FARS2: variants seen among roughly 807,000 people sequenced by gnomAD.
The protein encoded by FARS2 is phenylalanine--tRNA ligase, mitochondrial.
In FARS2, 40 loss-of-function variants were observed where a neutral mutation model predicts 46.4. The ratio of observed to expected loss-of-function variants is 0.86; its 90% CI spans 0.67 to 1.12. The LOEUF is 1.12. Among genes scored for constraint, FARS2 ranks in the 50% most tolerant of loss-of-function variants. FARS2 has a pLI of 0.00. For synonymous variants in FARS2, 234 were observed against 214.9 expected, an observed-to-expected ratio of 1.09 and a Z score of -0.78; for missense variants, 513 against 567.9, an observed-to-expected ratio of 0.90 and a Z score of 0.98.
chr6:5,446,862 A>G (rs1018782010), intron 4 of FARS2, among the ~76,000 whole-genome samples: 2 of 152,154 alleles, frequency 1.3e-5, no homozygotes, highest in African/African-American at 4.8e-5. Flanking sequence ...TGTCATGACC[A>G]GCTGTTGGCT....
chr6:5,293,202 C>T (rs1245215920), intron 1 of FARS2, among the ~76,000 whole-genome samples: 1 of 152,132 alleles, frequency 6.6e-6, no homozygotes, highest in Non-Finnish European at 1.5e-5. Flanking sequence ...TGGCTCAGTG[C>T]CTTCTTGGGA....
chr6:5,617,887 A>AGCTATTACAG (rs1775557484), intron 6 of FARS2, among the ~76,000 whole-genome samples: 1 of 152,202 alleles, frequency 6.6e-6, no homozygotes, highest in Non-Finnish European at 1.5e-5. Context: ...AGCAAAACCT[A>AGCTATTACAG]GCTATTACAG....
chr6:5,507,816 A>G (rs1768188622), intron 4 of FARS2, among the ~76,000 whole-genome samples: 2 of 152,224 alleles, frequency 1.3e-5, no homozygotes, highest in South Asian at 4.1e-4. Flanking sequence ...AGCAGAGAGC[A>G]GGGGAGAAGA....
At chr6:5,569,466 CCA>C (rs67295831) in intron 5 of FARS2, among the ~76,000 whole-genome samples, 3 of 152,046 alleles carry the variant, frequency 2.0e-5, no homozygotes, top group Admixed American at 6.5e-5. Flanking sequence ...CTCAACTGAT[CCA>C]CCCACCTCGG....
chr6:5,325,982 C>G (rs2127571963), intron 1 of FARS2, among the ~76,000 whole-genome samples: 1 of 152,274 alleles, frequency 6.6e-6, no homozygotes, highest in African/African-American at 2.4e-5. Context: ...CAGGAAGGAA[C>G]TGGGAAAAGT....
At chr6:5,543,801 C>T (rs115319541) in intron 4 of FARS2, among the ~76,000 whole-genome samples, 2,318 of 152,138 alleles carry the variant, frequency 0.015, 50 homozygotes, top group African/African-American at 0.052. Context: ...CGTCCCATTG[C>T]TACTGAAGAA....
At chr6:5,459,812 A>C (rs1765135977) in intron 4 of FARS2, among the ~76,000 whole-genome samples, 1 of 152,034 alleles carries the variant, frequency 6.6e-6, no homozygotes, top group Admixed American at 6.6e-5. Flanking sequence ...CTTCCTCCTT[A>C]GAGGCTGCCA....
intron 4 of FARS2, among the ~76,000 whole-genome samples, chr6:5,465,779 T>A (rs1249439807): frequency 1.3e-5 from 2 of 152,226 alleles, no homozygotes; most frequent in African/African-American, 4.8e-5. Flanking sequence ...TTGGAAGTTT[T>A]TTTTTTAATG....
chr6:5,741,574 G>A (rs1761345618), intron 6 of FARS2, among the ~76,000 whole-genome samples: 1 of 152,216 alleles, frequency 6.6e-6, no homozygotes, highest in Admixed American at 6.5e-5. Flanking sequence ...TATAACCCCT[G>A]TGGGTATGCA....
At position 5,702,335 on chromosome 6, in the gene FARS2, C is replaced by T. The variant is rs9504493; in HGVS notation, c.1218-68956C>T. 3.2e-3 allele frequency among the ~76,000 whole-genome samples: 491 copies of T among 152,314 alleles called. 3 individuals are homozygous for T. The highest frequency in any genetic ancestry group is 0.011 in the African/African-American group (464 of 41,568). On this transcript the variant is annotated intron_variant, in intron 6 of 6. Transcript: ENST00000274680. Reference sequence around the variant, plus strand: ...GTGTTCCTTTAGCAAACTATATATGCTCAACCAGATTTCTAGTAGCATTTT... The same window carrying T: ...GTGTTCCTTTAGCAAACTATATATGTTCAACCAGATTTCTAGTAGCATTTT...
intron 5 of FARS2, among the ~76,000 whole-genome samples, chr6:5,592,290 G>C (rs1383368006): frequency 6.6e-6 from 1 of 151,998 alleles, no homozygotes; most frequent in East Asian, 1.9e-4. Context: ...GGAGGCTGAG[G>C]TCAGGGAATC....
At chr6:5,530,534 A>G (rs1314303941) in intron 4 of FARS2, among the ~76,000 whole-genome samples, 1 of 151,978 alleles carries the variant, frequency 6.6e-6, no homozygotes, top group Non-Finnish European at 1.5e-5. Context: ...TAACTGTACT[A>G]TGGATATATA....
intron 1 of FARS2, among the ~76,000 whole-genome samples, chr6:5,297,057 C>G (rs1767945027): frequency 6.6e-6 from 1 of 152,222 alleles, no homozygotes. Flanking sequence ...ACAGGGGTTC[C>G]AATTTCTTCA....
In FARS2 at chr6:5,633,424, C is replaced by T. The variant is rs1026803274; in HGVS notation, c.1217+20104C>T. Among the ~76,000 whole-genome samples, 8 of 151,668 alleles carry T rather than the reference C, an allele frequency of 5.3e-5. No individual in the cohort carries two copies. In the South Asian group the frequency reaches 8.3e-4, roughly 16 times the overall value. On this transcript the variant is annotated intron_variant, in intron 6 of 6. Transcript: ENST00000274680. ...CCAAGTAGCTGGGATTACAAACATG[C>T]GCCACCACACCCAGCTAATTTTTGT... is the stretch of plus-strand genomic sequence containing the variant.
intron 4 of FARS2, among the ~76,000 whole-genome samples, chr6:5,509,817 C>T (rs1400420419): frequency 1.3e-5 from 2 of 152,188 alleles, no homozygotes; most frequent in Non-Finnish European, 2.9e-5. Context: ...GCATTATCCA[C>T]AACACAACAT....
At chr6:5,275,705 C>T (rs1451254700) in intron 1 of FARS2, among the ~76,000 whole-genome samples, 2 of 152,090 alleles carry the variant, frequency 1.3e-5, no homozygotes, top group South Asian at 2.1e-4. Flanking sequence ...TTATATTGCT[C>T]CCTACTGGCC....
At chr6:5,397,815 A>G (rs1049395630) in intron 2 of FARS2, among the ~76,000 whole-genome samples, 11 of 152,074 alleles carry the variant, frequency 7.2e-5, no homozygotes, top group African/African-American at 2.4e-4. Context: ...TTTGTTTATT[A>G]TGACTTTGAT....
intron 1 of FARS2, among the ~76,000 whole-genome samples, chr6:5,277,691 T>C (rs61407028): frequency 0.024 from 3,603 of 152,348 alleles, 147 homozygotes; most frequent in African/African-American, 0.08. Context: ...TTACAGTGAA[T>C]ACATTTAAGA....
chr6:5,654,109 A>G (rs1439182786), intron 6 of FARS2, among the ~76,000 whole-genome samples: 1 of 152,088 alleles, frequency 6.6e-6, no homozygotes, highest in Non-Finnish European at 1.5e-5. Context: ...CCCTTTGACC[A>G]TGGAATCCCC....
Sources: gnomAD v4.1 joint callset for allele counts (sites outside exome capture counted in the v4.1 genomes callset) on GRCh38, gnomAD v4.1.1 for gene constraint, MANE v1.5 for transcripts, NCBI Gene and HGNC (gene_info 2026-07-23, HGNC 2026-07-21) for gene names.